Variants in LAPTM5 observed in about 807,000 individuals in gnomAD.
The protein encoded by LAPTM5 is lysosomal-associated transmembrane protein 5.
Under a neutral mutation model 30.1 loss-of-function variants are expected in LAPTM5, and 11 were observed. The ratio of observed to expected loss-of-function variants is 0.37; its 90% CI spans 0.23 to 0.60. The LOEUF (loss-of-function observed/expected upper bound fraction) is 0.60, where lower values mean the gene tolerates loss of function less well. Among genes scored for constraint, LAPTM5 ranks in the 20% least tolerant of loss-of-function variants. The pLI is 0.71. For synonymous variants in LAPTM5, 151 were observed against 137.9 expected (o/e 1.10, Z -0.67); for missense variants, 324 against 332.5 (o/e 0.97, Z 0.20).
chr1:30,734,773 C>G (rs573249830), intron 7 of LAPTM5, among the ~76,000 whole-genome samples: 2 of 152,350 alleles, frequency 1.3e-5, no homozygotes, highest in South Asian at 4.1e-4. Context: ...CCCTCCAAGA[C>G]CAGTTAACTG....
At chr1:30,752,437 G>A (rs1190818079) in intron 1 of LAPTM5, among the ~76,000 whole-genome samples, 1 of 152,080 alleles carries the variant, frequency 6.6e-6, no homozygotes, top group African/African-American at 2.4e-5. Flanking sequence ...TCCTAACCCA[G>A]CTTGACAAAC....
chr1:30,742,405 C>A (rs771177022), intron 2 of LAPTM5, 51 bp downstream of exon 2: 1 of 1,345,802 alleles, frequency 7.4e-7, no homozygotes, highest in Non-Finnish European at 1.1e-6. Context: ...CTGGCCAGGG[C>A]CCTCCCTGTC....
In LAPTM5 at chr1:30,733,367, T is replaced by C. The variant is rs1639840292; in HGVS notation, c.*461A>G. On this transcript the variant is annotated 3_prime_UTR_variant, in exon 8 of 8. Coordinates refer to ENST00000294507, the MANE Select transcript of LAPTM5 (RefSeq NM_006762.3). ...ATATTTATATATAGGGGGTAACTAA[T>C]TAATGATTACTTGATTAAATTGCTA... The C allele has an allele frequency of 2.7e-6, 1 of 376,302 alleles. No homozygotes were observed. Among genetic ancestry groups the C allele is most frequent in the Non-Finnish European group, 4.6e-6 (1 of 219,172 alleles). The allele number at this position is 376,302 out of a possible 1,614,324, so 23.3% of individuals were successfully genotyped here.
intron 2 of LAPTM5, 34 bp downstream of exon 2, chr1:30,742,422 C>G (rs1639983787): frequency 6.6e-7 from 1 of 1,512,668 alleles, no homozygotes; most frequent in Non-Finnish European, 9.1e-7. Context: ...TGTCCTCCTC[C>G]CCCCGCCACT....
intron 3 of LAPTM5, among the ~76,000 whole-genome samples, chr1:30,740,919 C>T (rs1639961728): frequency 6.6e-6 from 1 of 152,236 alleles, no homozygotes. Flanking sequence ...CCCCTGTCTG[C>T]ACAGGAAGGA....
chr1:30,740,808 T>C (rs2124182766), intron 3 of LAPTM5, among the ~76,000 whole-genome samples: 1 of 152,132 alleles, frequency 6.6e-6, no homozygotes, highest in South Asian at 2.1e-4. Flanking sequence ...ACAGAGTGAG[T>C]GTTAGCAAGG....
At chr1:30,741,509 A>G in intron 3 of LAPTM5, 131 bp downstream of exon 3, 1 of 508,680 alleles carries the variant, frequency 2.0e-6, no homozygotes, top group African/African-American at 2.0e-5. Context: ...GTATGTGTGA[A>G]GATCTCCAGA....
At chr1:30,744,425 G>A (rs1640015383) in intron 1 of LAPTM5, among the ~76,000 whole-genome samples, 1 of 152,168 alleles carries the variant, frequency 6.6e-6, no homozygotes, top group Non-Finnish European at 1.5e-5. Context: ...CCTGTGAAGT[G>A]GTGAGCTCCC....
chr1:30,737,664 G>T lies in LAPTM5; in HGVS notation c.546C>A (p.Asn182Lys), dbSNP rs758807421. 1 of 1,613,800 alleles carries T rather than the reference G, an allele frequency of 6.2e-7. No individual in the cohort carries two copies. The highest frequency in any genetic ancestry group is 1.1e-5 in the South Asian group (1 of 91,010). The change falls in exon 6 of 8, where the codon AAC (asparagine) becomes AAA (lysine). Residue 182 changes from asparagine to lysine, a missense_variant. Asn to Lys is a moderately conservative substitution (Grantham distance 94). Transcript: ENST00000294507. The stretch of plus-strand genomic sequence containing the variant: ...AGATGATCATCATCTTGATGAACTG[G>T]TTATGAGGCATATCCTCCTGGCTGG... Reference protein sequence around the residue: ...YLPSQEDMPHNQFIKMMIIFS... With the variant: ...YLPSQEDMPHKQFIKMMIIFS...
rs150147226 is a variant in LAPTM5 at position 30,749,179 on chromosome 1, T to G, written c.88-6630A>C. ...ATACACAGCAATGGAAAAAATGAGTTAGCTACCCGCAACCACACAGACGAA... is the reference window on the plus strand; with the variant it reads ...ATACACAGCAATGGAAAAAATGAGTGAGCTACCCGCAACCACACAGACGAA... On this transcript the variant is annotated intron_variant, in intron 1 of 7. Coordinates refer to ENST00000294507, the MANE Select transcript of LAPTM5 (RefSeq NM_006762.3). Among the ~76,000 whole-genome samples the G allele has an allele frequency of 1.1e-3, 173 of 152,286 alleles. 1 individual carries two copies. Among genetic ancestry groups the G allele is most frequent in the African/African-American group, 3.9e-3 (164 of 41,562 alleles).
chr1:30,733,658 C>A lies in LAPTM5; in HGVS notation c.*170G>T. On this transcript the variant is annotated 3_prime_UTR_variant, in exon 8 of 8. Coordinates refer to ENST00000294507, the MANE Select transcript of LAPTM5 (RefSeq NM_006762.3). Reference sequence around the variant, plus strand: ...CCTAAAGCGTTGACCCAGTTGTGAGCAGCTCACAGGCCCTGCAGGAGGAGC... The same window carrying A: ...CCTAAAGCGTTGACCCAGTTGTGAGAAGCTCACAGGCCCTGCAGGAGGAGC... 1 of 1,533,612 alleles carries A rather than the reference C, an allele frequency of 6.5e-7. No individual in the cohort carries two copies. The highest frequency in any genetic ancestry group is 8.7e-7 in the Non-Finnish European group (1 of 1,146,030).
At chr1:30,737,496 G>A (rs900845640) in intron 6 of LAPTM5, 108 bp downstream of exon 6, 4 of 716,152 alleles carry the variant, frequency 5.6e-6, no homozygotes, top group East Asian at 2.7e-5. Context: ...CAGGAGAGGA[G>A]GCATGGAGGA....
rs144448374 is a variant in LAPTM5 at position 30,741,436 on chromosome 1, G to A, written c.258+204C>T. On this transcript the variant is annotated intron_variant, in intron 3 of 7. Coordinates refer to ENST00000294507, the MANE Select transcript of LAPTM5 (RefSeq NM_006762.3). ...CATGCCCGGCCCCGTGGAGGCTCATGTTACCAGGGAACTGAGGTCACCTGC... is the reference window on the plus strand; with the variant it reads ...CATGCCCGGCCCCGTGGAGGCTCATATTACCAGGGAACTGAGGTCACCTGC... Among the ~76,000 whole-genome samples, 375 of 152,326 alleles carry A rather than the reference G, an allele frequency of 2.5e-3. 9 individuals carry two copies. Among genetic ancestry groups the A allele is most frequent in the Admixed American group, 0.018 (278 of 15,300 alleles).
At chr1:30,750,652 T>C (rs969659233) in intron 1 of LAPTM5, among the ~76,000 whole-genome samples, 2 of 152,094 alleles carry the variant, frequency 1.3e-5, no homozygotes, top group Admixed American at 1.3e-4. Context: ...CCCTCCCCCA[T>C]CCCATGGCTG....
rs775075793 is a variant in LAPTM5, at chr1:30,757,641, C to T, written c.87+18G>A. 1.6e-5 allele frequency: 26 copies of T among 1,611,052 alleles called. No homozygotes were observed. The Admixed American group carries it at 1.8e-4, about 11-fold the overall frequency. On this transcript the variant is annotated intron_variant, in intron 1 of 7. Transcript: ENST00000294507. ...ACACAAGCACGCACGCACACACACC[C>T]GGGGCCCGCACACTCACCACATGGT... is the stretch of plus-strand genomic sequence containing the variant.
At chr1:30,757,605 C>T (rs1194509033) in intron 1 of LAPTM5, 54 bp downstream of exon 1, 3 of 1,564,106 alleles carry the variant, frequency 1.9e-6, no homozygotes, top group East Asian at 4.5e-5. Context: ...TCACCGCAGA[C>T]ATTCACACTC....
At chr1:30,755,182 G>T (rs1294677906) in intron 1 of LAPTM5, among the ~76,000 whole-genome samples, 1 of 151,952 alleles carries the variant, frequency 6.6e-6, no homozygotes, top group Admixed American at 6.6e-5. Flanking sequence ...ATAGGCATTG[G>T]TTCTCAACTG....
In LAPTM5 at chr1:30,739,816, C is replaced by T. The variant is rs1639942179; in HGVS notation, c.380G>A (p.Ser127Asn). ...LPAYLKLASR[S>N]RASSSKFPLM... The stretch of plus-strand genomic sequence containing the variant: ...TGGGGGCTGGGTACTCACAGCACGG[C>T]TCCGGGAGGCCAACTTGAGGTAGGC... The change falls in exon 4 of 8, where the codon AGC becomes AAC. Residue 127 changes from serine to asparagine, a missense_variant. Transcript: ENST00000294507. This position sits in a 1 kb window ranked among gnomAD's most constrained non-coding sequence, Gnocchi z 4.2. 8 of 1,602,642 alleles carry T rather than the reference C, an allele frequency of 5.0e-6. No individual in the cohort carries two copies. In the East Asian group the frequency reaches 1.8e-4, roughly 36 times the overall value.
At chr1:30,752,152 G>A (rs1375977838) in intron 1 of LAPTM5, among the ~76,000 whole-genome samples, 8 of 152,208 alleles carry the variant, frequency 5.3e-5, no homozygotes, top group Non-Finnish European at 8.8e-5. Context: ...CAGCCATGGG[G>A]CAGGGAAGGA....
Sources: allele counts gnomAD v4.1 joint callset (sites outside exome capture counted in the v4.1 genomes callset), GRCh38; gene constraint gnomAD v4.1.1; non-coding constraint Gnocchi (gnomAD v3.1); transcripts MANE v1.5; gene names NCBI Gene and HGNC (gene_info 2026-07-23, HGNC 2026-07-21).